ARHGAP21: variants seen among roughly 807,000 people sequenced by gnomAD.
ARHGAP21 encodes the protein Rho GTPase activating protein 21, also known as rho GTPase-activating protein 21.
ARHGAP21 carries 38 observed loss-of-function variants against 164.6 expected under a neutral mutation model. The ratio of observed to expected loss-of-function variants is 0.23; its 90% CI spans 0.18 to 0.30. ARHGAP21 has a LOEUF of 0.30. Ranked by LOEUF, ARHGAP21 falls within the 10% of genes least tolerant of loss-of-function variation. ARHGAP21 has a pLI of 1.00. For missense variants in ARHGAP21, 1,822 were observed against 2,370.7 expected (o/e 0.77, Z 4.81); for synonymous variants, 766 against 857.9 (o/e 0.89, Z 1.87).
Position 24,601,963 on chromosome 10 carries a change from T to G in ARHGAP21, c.2847+15A>C, listed in dbSNP as rs1484881698. ...TGCATTTCTGACACTCAGGGTGGCT[T>G]AGAAAACACACTACCTTGCCCTTAT... is the stretch of plus-strand genomic sequence containing the variant. On this transcript the variant is annotated intron_variant, in intron 13 of 25. Transcript: ENST00000396432. 2 of 1,549,116 alleles carry G rather than the reference T, an allele frequency of 1.3e-6. No homozygotes were observed. The highest frequency in any genetic ancestry group is 2.5e-5 in the South Asian group (2 of 80,086).
chr10:24,705,324 G>A (rs898798172), intron 2 of ARHGAP21, among the ~76,000 whole-genome samples: 3 of 151,920 alleles, frequency 2.0e-5, no homozygotes, highest in East Asian at 1.9e-4. Context: ...TATTTTTTAC[G>A]GTAATGTAAA....
intron 24 of ARHGAP21, chr10:24,590,618 A>G: frequency 7.1e-7 from 1 of 1,399,408 alleles, no homozygotes; most frequent in Non-Finnish European, 9.3e-7. Context: ...GGCAGGAGAA[A>G]GTTTTCATCA....
chr10:24,688,699 C>T (rs1466518325), intron 2 of ARHGAP21, among the ~76,000 whole-genome samples: 1 of 152,148 alleles, frequency 6.6e-6, no homozygotes, highest in East Asian at 1.9e-4. Context: ...CTCATTAGTT[C>T]TCAGTGAAGG....
chr10:24,589,273 T>C lies in ARHGAP21; in HGVS notation c.4180A>G (p.Lys1394Glu). 1.9e-6 allele frequency: 3 copies of C among 1,607,518 alleles called. No homozygotes were observed. The highest frequency in any genetic ancestry group is 2.6e-6 in the Non-Finnish European group (3 of 1,175,336). Residue 1394 changes from lysine to glutamate, a missense_variant and splice_region_variant, in exon 25 of 26, where the codon AAG becomes GAG. By Grantham distance (56) the Lys-to-Glu change is moderately conservative. This residue lies in a region of ARHGAP21 where 333 missense variants were observed against 383.9 expected (regional missense o/e 0.87). Transcript: ENST00000396432. ...DSATSDSTKS[K>E]GSWGSGKDQY... ...TCAAATTGTATGAAACAATTTACCTTAGATTTTGTTGAGTCACTAGTAGCT... is the reference window on the plus strand; with the variant it reads ...TCAAATTGTATGAAACAATTTACCTCAGATTTTGTTGAGTCACTAGTAGCT...
intron 11 of ARHGAP21, among the ~76,000 whole-genome samples, chr10:24,605,502 C>T (rs7083313): frequency 0.055 from 8,362 of 152,218 alleles, 500 homozygotes; most frequent in East Asian, 0.28. Context: ...AACCCTGTAT[C>T]TTTAGGAAAA....
chr10:24,723,233 C>T (rs1259335068), intron 1 of ARHGAP21: 1 of 151,200 alleles, frequency 6.6e-6, no homozygotes, highest in East Asian at 2.0e-4. Flanking sequence ...GCGCCGGGCC[C>T]GGCCGGGACG....
chr10:24,698,954 A>C (rs1358061488), intron 2 of ARHGAP21, among the ~76,000 whole-genome samples: 1 of 152,196 alleles, frequency 6.6e-6, no homozygotes, highest in East Asian at 1.9e-4. Context: ...AGCAATGCTA[A>C]AGGTTTCAGT....
At chr10:24,609,412 G>A (rs1361527309) in intron 9 of ARHGAP21, among the ~76,000 whole-genome samples, 2 of 152,142 alleles carry the variant, frequency 1.3e-5, no homozygotes, top group African/African-American at 4.8e-5. Context: ...AAAAACAGGT[G>A]GGAGGATAGA....
At chr10:24,710,875 C>A (rs2132234963) in intron 2 of ARHGAP21, among the ~76,000 whole-genome samples, 1 of 152,136 alleles carries the variant, frequency 6.6e-6, no homozygotes, top group South Asian at 2.1e-4. Context: ...GCGGGTGGAT[C>A]CCAAGGTCAG....
chr10:24,709,993 G>GT (rs1362903422), intron 2 of ARHGAP21, among the ~76,000 whole-genome samples: 1 of 152,138 alleles, frequency 6.6e-6, no homozygotes, highest in Non-Finnish European at 1.5e-5. Context: ...CTTTATGTCT[G>GT]TTTTGTGTTT....
chr10:24,690,241 G>C (rs1227598991), intron 2 of ARHGAP21, among the ~76,000 whole-genome samples: 1 of 151,986 alleles, frequency 6.6e-6, no homozygotes, highest in Non-Finnish European at 1.5e-5. Flanking sequence ...AATTACATTA[G>C]GATAAATTCC....
intron 2 of ARHGAP21, among the ~76,000 whole-genome samples, chr10:24,679,394 C>A (rs1841560805): frequency 6.6e-6 from 1 of 152,188 alleles, no homozygotes; most frequent in Admixed American, 6.5e-5. Flanking sequence ...ATTCATGGGG[C>A]TCCATCCTCA....
At chr10:24,683,119 G>T (rs1048285443) in intron 2 of ARHGAP21, among the ~76,000 whole-genome samples, 8 of 148,800 alleles carry the variant, frequency 5.4e-5, no homozygotes, top group Admixed American at 1.3e-4. Context: ...AAAAAAAGAT[G>T]ATGACTAATG....
rs201742500 is a variant in ARHGAP21, at chr10:24,690,838, AT to A, written c.64-20442del. On this transcript the variant is annotated intron_variant, in intron 2 of 25. Transcript: ENST00000396432. ...GGGAGACTCCATCTCAAAAAAAAAA[AT>A]ATATATATATATATACACATATATA... 9.6e-3 allele frequency among the ~76,000 whole-genome samples: 1,302 copies of A among 136,096 alleles called. 17 individuals carry two copies. The highest frequency in any genetic ancestry group is 0.048 in the East Asian group (232 of 4,884). 89.3% of individuals were successfully genotyped at this position (136,096 alleles called of 152,430 possible). A position where few individuals can be genotyped will look rare whatever the true frequency, so the allele number is the denominator to read the frequency against.
intron 25 of ARHGAP21, among the ~76,000 whole-genome samples, chr10:24,588,394 A>G (rs546312373): frequency 6.6e-6 from 1 of 151,392 alleles, no homozygotes; most frequent in Admixed American, 6.6e-5. Flanking sequence ...TTTAGGGTAA[A>G]GGATTTGGGT....
chr10:24,585,198 G>A lies in ARHGAP21; in HGVS notation c.5091C>T (p.Leu1697=). The change falls in exon 26 of 26, where the codon CTC becomes CTT. Residue 1697 remains leucine (L), a synonymous_variant. Coordinates refer to ENST00000396432, the MANE Select transcript of ARHGAP21 (RefSeq NM_020824.4). ...SRRQLFSSHK[L]IECDTLSRKK... The stretch of plus-strand genomic sequence containing the variant: ...TCCTGGAAAGAGTATCACATTCGAT[G>A]AGTTTATGGGAACTGAAGAGCTGTC... 6.2e-7 allele frequency: 1 copy of A among 1,606,784 alleles called. No homozygotes were observed. The highest frequency in any genetic ancestry group is 8.5e-7 in the Non-Finnish European group (1 of 1,177,658).
At chr10:24,709,887 C>G (rs1844609213) in intron 2 of ARHGAP21, among the ~76,000 whole-genome samples, 1 of 152,166 alleles carries the variant, frequency 6.6e-6, no homozygotes, top group South Asian at 2.1e-4. Flanking sequence ...GCAAGCTCAA[C>G]TCTTACAACT....
intron 2 of ARHGAP21, among the ~76,000 whole-genome samples, chr10:24,685,912 G>C (rs1252109797): frequency 6.6e-6 from 1 of 152,072 alleles, no homozygotes; most frequent in South Asian, 2.1e-4. Context: ...AAGATATTAA[G>C]CTAAAACAAA....
intron 4 of ARHGAP21, among the ~76,000 whole-genome samples, chr10:24,655,774 C>T (rs1411470104): frequency 7.3e-6 from 1 of 136,252 alleles, no homozygotes; most frequent in Non-Finnish European, 1.6e-5. Flanking sequence ...GTGAGGAGCG[C>T]CTCTTCCCAG....
Sources: gnomAD v4.1 joint callset for allele counts (sites outside exome capture counted in the v4.1 genomes callset) on GRCh38, gnomAD v4.1.1 for gene constraint, gnomAD v4.1.1 regional missense constraint, MANE v1.5 for transcripts, NCBI Gene and HGNC (gene_info 2026-07-23, HGNC 2026-07-21) for gene names.